THRA: variants seen among roughly 807,000 people sequenced by gnomAD.
The protein encoded by THRA is thyroid hormone receptor alpha.
A neutral mutation model predicts 45.0 loss-of-function variants in THRA; 13 were observed. The ratio of observed to expected loss-of-function variants is 0.29; its 90% CI spans 0.19 to 0.46. The LOEUF (loss-of-function observed/expected upper bound fraction) is 0.46. Ranked by LOEUF, THRA falls within the 20% of genes least tolerant of loss-of-function variation. The probability of loss-of-function intolerance (pLI) is 1.00; values close to 1 mark genes in which losing one functional copy is unlikely to be tolerated. For missense variants in THRA, 278 were observed against 556.1 expected (o/e 0.50, Z 5.03); for synonymous variants, 195 against 214.0 (o/e 0.91, Z 0.78).
chr17:40,072,592 C>CACAGACAG (rs902158963), intron 1 of THRA, among the ~76,000 whole-genome samples: 3 of 152,228 alleles, frequency 2.0e-5, no homozygotes, highest in Non-Finnish European at 4.4e-5. Context: ...GACATTCAGA[C>CACAGACAG]ACAGACAGAC....
chr17:40,074,317 T>G lies in THRA; in HGVS notation c.-172T>G. 7.4e-6 allele frequency: 5 copies of G among 678,436 alleles called. No homozygotes were observed. The highest frequency in any genetic ancestry group is 1.3e-5 in the Non-Finnish European group (5 of 398,578). The allele number at this position is 678,436 out of a possible 1,614,324, so 42.0% of individuals were successfully genotyped here. ...GGCCCCTCCCACCGCCCGCCCCCCTTGGGGCGCAGGGCATGGTGTGAAAGG... is the reference window on the plus strand; with the variant it reads ...GGCCCCTCCCACCGCCCGCCCCCCTGGGGGCGCAGGGCATGGTGTGAAAGG... On this transcript the variant is annotated 5_prime_UTR_variant, in exon 2 of 9. Transcript: ENST00000450525.
At chr17:40,084,071 G>A in intron 5 of THRA, 89 bp downstream of exon 5, 1 of 1,460,930 alleles carries the variant, frequency 6.8e-7, no homozygotes, top group Non-Finnish European at 9.2e-7. Flanking sequence ...GGTACCCTCA[G>A]AGCCCACAGG....
At chr17:40,076,442 A>G (rs963762205) in intron 2 of THRA, among the ~76,000 whole-genome samples, 2 of 152,164 alleles carry the variant, frequency 1.3e-5, no homozygotes, top group African/African-American at 4.8e-5. Context: ...CTCACCATCC[A>G]TGGGTTTATA....
intron 1 of THRA, among the ~76,000 whole-genome samples, chr17:40,071,783 T>C (rs936447270): frequency 5.3e-5 from 8 of 152,288 alleles, no homozygotes; most frequent in Non-Finnish European, 1.0e-4. Context: ...CACAGGCTCA[T>C]GTGGTATGTG....
chr17:40,068,259 C>T (rs1986644008), intron 1 of THRA, among the ~76,000 whole-genome samples: 1 of 152,240 alleles, frequency 6.6e-6, no homozygotes. Context: ...CTGTCTCACT[C>T]AGGTTGAGGG....
chr17:40,073,760 C>T (rs1986857854), intron 1 of THRA, among the ~76,000 whole-genome samples: 1 of 152,150 alleles, frequency 6.6e-6, no homozygotes, highest in Admixed American at 6.5e-5. Context: ...TCCCATCCTT[C>T]CTTCACAGAT....
chr17:40,092,945 C>T lies in THRA; in HGVS notation c.*3489C>T. 6.5e-7 allele frequency: 1 copy of T among 1,543,620 alleles called. No individual in the cohort carries two copies. Among genetic ancestry groups the T allele is most frequent in the Non-Finnish European group, 8.7e-7 (1 of 1,143,946 alleles). ...GTATTTACAAGAAGGCTCAGGGGGC[C>T]AGAGGCTCATCTTGGAATATTTTAT... On this transcript the variant is annotated 3_prime_UTR_variant, in exon 9 of 9. Coordinates refer to ENST00000450525, the MANE Select transcript of THRA (RefSeq NM_199334.5).
At chr17:40,093,469 C>T, downstream of THRA, 1 of 1,490,996 alleles carries the variant, frequency 6.7e-7, no homozygotes, top group South Asian at 1.3e-5. The surrounding 1 kb of genome is among the most constrained non-coding windows in gnomAD (Gnocchi z 5.9). Flanking sequence ...TGCCTGAAAG[C>T]TGGGAGCGTG....
At chr17:40,084,551 C>T in intron 5 of THRA, 59 bp from the exon 6 acceptor site, 2 of 1,576,160 alleles carry the variant, frequency 1.3e-6, no homozygotes, top group South Asian at 1.1e-5. Flanking sequence ...TTTCCGGGAG[C>T]ATTATGGAAA....
At chr17:40,064,152 A>G (rs568086665) in intron 1 of THRA, among the ~76,000 whole-genome samples, 106 of 152,294 alleles carry the variant, frequency 7.0e-4, no homozygotes, top group African/African-American at 2.5e-3. Flanking sequence ...GGACAAGGGA[A>G]GAGACAGGCT....
At chr17:40,071,288 G>A (rs1188028876) in intron 1 of THRA, among the ~76,000 whole-genome samples, 1 of 152,216 alleles carries the variant, frequency 6.6e-6, no homozygotes, top group African/African-American at 2.4e-5. Flanking sequence ...GTTAGATCCT[G>A]GGGACAGAAA....
intron 1 of THRA, among the ~76,000 whole-genome samples, chr17:40,070,139 GC>G (rs530612753): frequency 6.6e-6 from 1 of 151,864 alleles, no homozygotes; most frequent in African/African-American, 2.4e-5. Flanking sequence ...ATGAGTCACT[GC>G]CCCCCAGCTC....
intron 1 of THRA, among the ~76,000 whole-genome samples, chr17:40,071,406 G>A (rs944053624): frequency 6.6e-6 from 1 of 152,166 alleles, no homozygotes; most frequent in South Asian, 2.1e-4. Context: ...CGTGGATGCC[G>A]CATTGGCCCC....
chr17:40,081,195 C>T lies in THRA; in HGVS notation c.223-2640C>T, dbSNP rs968545188. Among the ~76,000 whole-genome samples the T allele has an allele frequency of 2.6e-5, 4 of 152,156 alleles. No homozygotes were observed. In the South Asian group the frequency reaches 8.3e-4, roughly 31 times the overall value. ...AAGTGGAGGCAGTAACAGTTCCTAC[C>T]TCATAGGGTTGTCTGGAGGGTTCAC... On this transcript the variant is annotated intron_variant, in intron 4 of 8. Transcript: ENST00000450525.
Position 40,074,393 on chromosome 17 carries a change from C to A in THRA, c.-96C>A. On this transcript the variant is annotated 5_prime_UTR_variant, in exon 2 of 9. Transcript: ENST00000450525. Reference sequence around the variant, plus strand: ...GTGCTGTGCCCTAGGGCCTGGGTGGCAGGGGGTGGGTGGCCTGTGGGTGTG... The same window carrying A: ...GTGCTGTGCCCTAGGGCCTGGGTGGAAGGGGGTGGGTGGCCTGTGGGTGTG... 1 of 1,366,784 alleles carries A rather than the reference C, an allele frequency of 7.3e-7. No homozygotes were observed. The highest frequency in any genetic ancestry group is 1.0e-6 in the Non-Finnish European group (1 of 968,852). 84.7% of individuals were successfully genotyped at this position (1,366,784 alleles called of 1,614,324 possible).
intron 7 of THRA, 30 bp from the exon 8 acceptor site, chr17:40,088,212 G>A: frequency 6.4e-7 from 1 of 1,560,520 alleles, no homozygotes; most frequent in Non-Finnish European, 8.7e-7. Flanking sequence ...GGGGTATGCT[G>A]AGTGCTCCTG....
chr17:40,084,809 A>G lies in THRA; in HGVS notation c.570A>G (p.Lys190=). 6 of 1,613,302 alleles carry G rather than the reference A, an allele frequency of 3.7e-6. No homozygotes were observed. Among genetic ancestry groups the G allele is most frequent in the Non-Finnish European group, 5.1e-6 (6 of 1,179,962 alleles). ...AQGSHWKQRR[K]FLPDDIGQSP... ...GCAGCCATTGGAAACAGAGGCGGAA[A>G]TTCCTGGTAAGGAGAAAGGGGGCAT... The change falls in exon 6 of 9, where the codon AAA becomes AAG. Residue 190 remains lysine (K), a synonymous_variant. Transcript: ENST00000450525.
intron 1 of THRA, among the ~76,000 whole-genome samples, chr17:40,072,855 T>A (rs944373166): frequency 6.6e-6 from 1 of 152,102 alleles, no homozygotes; most frequent in African/African-American, 2.4e-5. Flanking sequence ...TGACCTACTT[T>A]CTTGATGGCT....
At chr17:40,093,245 C>T, downstream of THRA, 5 of 1,613,734 alleles carry the variant, frequency 3.1e-6, no homozygotes, top group Non-Finnish European at 4.2e-6. This position sits in a 1 kb window ranked among gnomAD's most constrained non-coding sequence, Gnocchi z 5.9. Flanking sequence ...TCTCCTGGAG[C>T]TGCTCCACCG....
Sources: allele counts gnomAD v4.1 joint callset (sites outside exome capture counted in the v4.1 genomes callset), GRCh38; gene constraint gnomAD v4.1.1; non-coding constraint Gnocchi (gnomAD v3.1); transcripts MANE v1.5; gene names NCBI Gene and HGNC (gene_info 2026-07-23, HGNC 2026-07-21).